Variants in FHIT observed in about 807,000 individuals in gnomAD.
FHIT encodes bis(5'-adenosyl)-triphosphatase.
FHIT carries 19 observed loss-of-function variants against 17.9 expected under a neutral mutation model. That is an observed-to-expected ratio of 1.06 (90% confidence interval 0.74 to 1.56). The LOEUF (loss-of-function observed/expected upper bound fraction) is 1.56. FHIT is among the 40% of genes most tolerant of loss of function. The pLI, the probability that FHIT is intolerant of heterozygous loss-of-function variation, is 0.00. For synonymous variants in FHIT, 81 were observed against 69.7 expected, an observed-to-expected ratio of 1.16 and a Z score of -0.81; for missense variants, 248 against 189.2, an observed-to-expected ratio of 1.31 and a Z score of -1.82.
intron 5 of FHIT, among the ~76,000 whole-genome samples, chr3:60,372,389 G>A (rs1460716347): frequency 6.6e-6 from 1 of 152,014 alleles, no homozygotes; most frequent in Non-Finnish European, 1.5e-5. Context: ...TCTGATTGTG[G>A]CACATCCATA....
intron 4 of FHIT, among the ~76,000 whole-genome samples, chr3:60,763,972 T>C (rs1420923584): frequency 6.6e-6 from 1 of 152,168 alleles, no homozygotes; most frequent in South Asian, 2.1e-4. Flanking sequence ...ATTTTCCCTA[T>C]AGCCCGCTGA....
rs1704617601 is a variant in FHIT at position 60,875,715 on chromosome 3, A to G, written c.-110-53704T>C. Among the ~76,000 whole-genome samples, 2 of 151,568 alleles carry G rather than the reference A, an allele frequency of 1.3e-5. 1 individual carries two copies. Among genetic ancestry groups the G allele is most frequent in the South Asian group, 4.2e-4 (2 of 4,786 alleles). ...TAAGCAGTTTAAATATATTTTTTTCATATGATTTTCATAACAATCCTACAT... is the reference window on the plus strand; with the variant it reads ...TAAGCAGTTTAAATATATTTTTTTCGTATGATTTTCATAACAATCCTACAT... On this transcript the variant is annotated intron_variant, in intron 3 of 9. Coordinates refer to ENST00000492590, the MANE Select transcript of FHIT (RefSeq NM_002012.4).
chr3:59,774,883 T>G (rs1024071901), intron 8 of FHIT, among the ~76,000 whole-genome samples: 1 of 152,218 alleles, frequency 6.6e-6, no homozygotes. Context: ...ACTCAAATTC[T>G]TAACTTCTCT....
At chr3:61,001,205 G>A (rs2031057980) in intron 3 of FHIT, among the ~76,000 whole-genome samples, 1 of 152,192 alleles carries the variant, frequency 6.6e-6, no homozygotes, top group African/African-American at 2.4e-5. Flanking sequence ...AGACATTGCT[G>A]ATGGGAATGT....
chr3:60,917,210 A>G (rs1352800665), intron 3 of FHIT, among the ~76,000 whole-genome samples: 1 of 152,238 alleles, frequency 6.6e-6, no homozygotes, highest in Non-Finnish European at 1.5e-5. Flanking sequence ...ATTGGATAGT[A>G]GTAAATAAAT....
intron 3 of FHIT, among the ~76,000 whole-genome samples, chr3:60,826,426 A>C (rs1292807876): frequency 6.6e-6 from 1 of 152,196 alleles, no homozygotes; most frequent in Non-Finnish European, 1.5e-5. Flanking sequence ...TCCCAGGTTC[A>C]AGCGATTCTC....
intron 5 of FHIT, among the ~76,000 whole-genome samples, chr3:60,301,865 AC>A (rs535038784): frequency 1.0e-3 from 153 of 152,264 alleles, no homozygotes; most frequent in African/African-American, 3.5e-3. Flanking sequence ...ATAAAAATGC[AC>A]TCATACATTT....
intron 5 of FHIT, among the ~76,000 whole-genome samples, chr3:60,168,918 T>G (rs545539505): frequency 6.6e-6 from 1 of 152,188 alleles, no homozygotes; most frequent in African/African-American, 2.4e-5. Flanking sequence ...CCAGCAGATA[T>G]CAAACCTGAA....
chr3:60,475,513 G>C (rs966520746), intron 5 of FHIT, among the ~76,000 whole-genome samples: 1 of 152,138 alleles, frequency 6.6e-6, no homozygotes, highest in East Asian at 1.9e-4. Context: ...GTGCACTTGT[G>C]CGCTTAAAAC....
intron 5 of FHIT, among the ~76,000 whole-genome samples, chr3:60,393,137 G>T (rs1203459864): frequency 6.6e-6 from 1 of 151,982 alleles, no homozygotes; most frequent in Admixed American, 6.6e-5. Flanking sequence ...AGTCTGTAAA[G>T]GGCACTCATT....
At chr3:61,098,210 T>C (rs968905374) in intron 2 of FHIT, among the ~76,000 whole-genome samples, 1 of 152,236 alleles carries the variant, frequency 6.6e-6, no homozygotes, top group Non-Finnish European at 1.5e-5. Context: ...TAGGGAATCC[T>C]TTCCCCATTG....
chr3:61,130,636 G>A lies in FHIT; in HGVS notation c.-164+69981C>T, dbSNP rs1176324606. On this transcript the variant is annotated intron_variant, in intron 2 of 9. Transcript: ENST00000492590. ...CTCTAGGTTAGGAAGAAGGATAAGA[G>A]GCACACGAACACAGGAGCATGCCAC... Among the ~76,000 whole-genome samples, 3 of 152,246 alleles carry A rather than the reference G, an allele frequency of 2.0e-5. No homozygotes were observed. The East Asian group carries it at 5.8e-4, about 29-fold the overall frequency.
chr3:60,666,963 T>G (rs530242582), intron 4 of FHIT, among the ~76,000 whole-genome samples: 118 of 140,248 alleles, frequency 8.4e-4, no homozygotes, highest in African/African-American at 3.0e-3. Context: ...CAACCAATCC[T>G]CTCACCTCAG....
chr3:61,219,138 T>A (rs989275121), intron 1 of FHIT, among the ~76,000 whole-genome samples: 1 of 152,212 alleles, frequency 6.6e-6, no homozygotes, highest in Non-Finnish European at 1.5e-5. Flanking sequence ...TAAGTATTTG[T>A]GTATCTAAAC....
intron 1 of FHIT, among the ~76,000 whole-genome samples, chr3:61,203,907 C>G (rs2039117923): frequency 6.6e-6 from 1 of 152,168 alleles, no homozygotes; most frequent in Non-Finnish European, 1.5e-5. Flanking sequence ...TTACATTCTA[C>G]AAATGTATTG....
At chr3:60,896,976 C>A (rs1553762107) in intron 3 of FHIT, among the ~76,000 whole-genome samples, 1 of 152,160 alleles carries the variant, frequency 6.6e-6, no homozygotes, top group African/African-American at 2.4e-5. Flanking sequence ...TCCTGTGTAT[C>A]CTTTTGCAAA....
At chr3:60,820,451 TG>T (rs1701886680) in intron 4 of FHIT, among the ~76,000 whole-genome samples, 1 of 152,256 alleles carries the variant, frequency 6.6e-6, no homozygotes, top group African/African-American at 2.4e-5. Flanking sequence ...CTTTAAACTT[TG>T]TTTTCCAGGT....
chr3:60,159,667 A>C (rs940848466), intron 5 of FHIT, among the ~76,000 whole-genome samples: 2 of 152,220 alleles, frequency 1.3e-5, no homozygotes, highest in Non-Finnish European at 2.9e-5. Flanking sequence ...TTAATTTTAC[A>C]CAGATTAAAT....
chr3:60,963,408 G>A (rs6446169), intron 3 of FHIT, among the ~76,000 whole-genome samples: 33,752 of 151,184 alleles, frequency 0.22, 3,971 homozygotes, highest in African/African-American at 0.35. Flanking sequence ...TTTTTGAAGG[G>A]TTTTTTGTGT....
Sources: allele counts gnomAD v4.1 joint callset (sites outside exome capture counted in the v4.1 genomes callset), GRCh38; gene constraint gnomAD v4.1.1; transcripts MANE v1.5; gene names NCBI Gene and HGNC (gene_info 2026-07-23, HGNC 2026-07-21).